Variants in UNC13C observed in about 807,000 individuals in gnomAD.
The protein encoded by UNC13C is protein unc-13 homolog C.
In UNC13C, 174 loss-of-function variants were observed where a neutral mutation model predicts 245.4. That is an observed-to-expected ratio of 0.71 (90% CI 0.63 to 0.80). UNC13C has a LOEUF of 0.80. UNC13C is among the 30% of genes least tolerant of loss of function. The pLI is 0.00. For missense variants in UNC13C, 2,829 were observed against 2,602.9 expected (o/e 1.09, Z -1.89); for synonymous variants, 992 against 895.1 (o/e 1.11, Z -1.93).
intron 24 of UNC13C, chr15:54,512,448 A>G (rs1454467236): frequency 2.3e-6 from 1 of 441,884 alleles, no homozygotes; most frequent in Admixed American, 2.5e-5. Flanking sequence ...CCTAAAGACC[A>G]TTGCATTTTC....
intron 4 of UNC13C, among the ~76,000 whole-genome samples, chr15:54,233,254 G>C (rs2035600301): frequency 6.6e-6 from 1 of 151,854 alleles, no homozygotes; most frequent in African/African-American, 2.4e-5. Context: ...TGGAGAAAGG[G>C]GTCTTTTAAA....
chr15:54,307,028 A>G (rs1209689606), intron 13 of UNC13C, among the ~76,000 whole-genome samples: 1 of 152,048 alleles, frequency 6.6e-6, no homozygotes, highest in Non-Finnish European at 1.5e-5. Context: ...GCAGTGAACA[A>G]GAAGTCAGTC....
chr15:54,245,378 C>A (rs1478456994), intron 7 of UNC13C, among the ~76,000 whole-genome samples: 1 of 152,064 alleles, frequency 6.6e-6, no homozygotes, highest in African/African-American at 2.4e-5. Flanking sequence ...TTTGGACTCA[C>A]CCCATAAGTT....
intron 17 of UNC13C, among the ~76,000 whole-genome samples, chr15:54,369,954 C>T (rs1229512332): frequency 6.6e-6 from 1 of 152,032 alleles, no homozygotes; most frequent in Non-Finnish European, 1.5e-5. Flanking sequence ...TACATACTCT[C>T]CTTGTGTTTT....
At chr15:54,358,046 G>A (rs989819654) in intron 17 of UNC13C, among the ~76,000 whole-genome samples, 1 of 151,786 alleles carries the variant, frequency 6.6e-6, no homozygotes, top group Non-Finnish European at 1.5e-5. Context: ...GTATGCAATC[G>A]AGCTTTCCTA....
chr15:54,624,014 T>C, intron 32 of UNC13C, 60 bp downstream of exon 32: 2 of 1,596,934 alleles, frequency 1.3e-6, no homozygotes, highest in Non-Finnish European at 1.7e-6. Context: ...CAGCTGACCT[T>C]ACTGAGGGAT....
At chr15:54,578,440 A>G (rs946365038) in intron 30 of UNC13C, among the ~76,000 whole-genome samples, 2 of 152,192 alleles carry the variant, frequency 1.3e-5, no homozygotes, top group African/African-American at 4.8e-5. Context: ...GTTATGCTGA[A>G]TATCAGTGAT....
rs1566950134 is a variant in UNC13C, at chr15:54,014,389, G to A, written c.1486G>A (p.Ala496Thr). The A allele has an allele frequency of 6.2e-7, 1 of 1,613,780 alleles. No homozygotes were observed. Among genetic ancestry groups the A allele is most frequent in the Non-Finnish European group, 8.5e-7 (1 of 1,179,826 alleles). The change falls in exon 2 of 33, where the codon GCT becomes ACT. Residue 496 changes from alanine to threonine, a missense_variant. Coordinates refer to ENST00000260323, the MANE Select transcript of UNC13C (RefSeq NM_001080534.3). ...CAGTGCTAGATCCAAGAATAAAACT[G>A]CTAATAGCAGCAGAATTTCAAATAA... ...SHSARSKNKT[A>T]NSSRISNKSD... is the part of the protein sequence containing the mutation.
intron 17 of UNC13C, among the ~76,000 whole-genome samples, chr15:54,355,928 T>G (rs2039085079): frequency 6.6e-6 from 1 of 152,202 alleles, no homozygotes; most frequent in South Asian, 2.1e-4. Flanking sequence ...TTTGTATATA[T>G]GAAGACACGT....
chr15:54,020,209 C>A (rs1199914185), intron 2 of UNC13C, among the ~76,000 whole-genome samples: 2 of 151,858 alleles, frequency 1.3e-5, no homozygotes, highest in South Asian at 4.2e-4. Flanking sequence ...TTCTTAATTT[C>A]CCCCTTTTTA....
intron 8 of UNC13C, among the ~76,000 whole-genome samples, chr15:54,263,542 G>C (rs994265034): frequency 2.9e-4 from 44 of 152,224 alleles, no homozygotes; most frequent in African/African-American, 1.1e-3. Flanking sequence ...AAAGTTTTTA[G>C]TGGAAAATGA....
chr15:53,978,025 C>T (rs890248375), upstream of UNC13C, among the ~76,000 whole-genome samples: 1 of 152,182 alleles, frequency 6.6e-6, no homozygotes, highest in Non-Finnish European at 1.5e-5. Context: ...CTGTTAGCTG[C>T]ATTTGGTGGC....
At chr15:54,174,631 T>A (rs2033542489) in intron 4 of UNC13C, among the ~76,000 whole-genome samples, 1 of 152,212 alleles carries the variant, frequency 6.6e-6, no homozygotes, top group Admixed American at 6.5e-5. Context: ...TATAATTAAA[T>A]ATGATTCTAT....
intron 10 of UNC13C, among the ~76,000 whole-genome samples, chr15:54,286,917 C>T (rs1029328351): frequency 2.0e-5 from 3 of 152,136 alleles, no homozygotes; most frequent in Admixed American, 2.0e-4. Flanking sequence ...CTCTCTTTAA[C>T]AATGAAAACA....
the UNC13C span, among the ~76,000 whole-genome samples, chr15:53,920,513 A>T: frequency 1.3e-5 from 2 of 152,180 alleles, no homozygotes; most frequent in African/African-American, 4.8e-5. Context: ...AGATTACCAC[A>T]CTGCACTCCA....
chr15:53,926,502 G>A, the UNC13C span, among the ~76,000 whole-genome samples: 1 of 152,146 alleles, frequency 6.6e-6, no homozygotes, highest in South Asian at 2.1e-4. Flanking sequence ...AACACGTAGA[G>A]GATAATGAAA....
the UNC13C span, among the ~76,000 whole-genome samples, chr15:53,885,796 GA>G: frequency 6.6e-6 from 1 of 152,144 alleles, no homozygotes; most frequent in Non-Finnish European, 1.5e-5. Context: ...GGGAGTGGGG[GA>G]AAAAGATGCT....
intron 2 of UNC13C, among the ~76,000 whole-genome samples, chr15:54,114,946 T>A (rs561700416): frequency 6.6e-6 from 1 of 152,252 alleles, no homozygotes; most frequent in African/African-American, 2.4e-5. Context: ...CATCTTTTCC[T>A]TTGTTTTTAA....
chr15:54,275,452 C>T (rs1269604958), intron 10 of UNC13C, among the ~76,000 whole-genome samples: 2 of 151,874 alleles, frequency 1.3e-5, no homozygotes, highest in African/African-American at 4.8e-5. Context: ...CTTTTTTGAA[C>T]CACTTGAATA....
Sources: allele counts gnomAD v4.1 joint callset (sites outside exome capture counted in the v4.1 genomes callset), GRCh38; gene constraint gnomAD v4.1.1; transcripts MANE v1.5; gene names NCBI Gene and HGNC (gene_info 2026-07-23, HGNC 2026-07-21).